The following ZBTB8A variants were observed in gnomAD, a reference collection of about 807,000 sequenced individuals.
ZBTB8A encodes zinc finger and BTB domain containing 8A.
ZBTB8A carries 19 observed loss-of-function variants against 37.8 expected under a neutral mutation model. The ratio of observed to expected loss-of-function variants is 0.50; its 90% confidence interval spans 0.35 to 0.74. The LOEUF is 0.74. ZBTB8A is among the 30% of genes least tolerant of loss of function. The pLI, the probability that ZBTB8A is intolerant of heterozygous loss-of-function variation, is 0.01. For synonymous variants in ZBTB8A, 181 were observed against 185.2 expected (o/e 0.98, Z 0.19); for missense variants, 394 against 537.8 (o/e 0.73, Z 2.65).
At chr1:32,545,049 C>G (rs551156572) in intron 1 of ZBTB8A, among the ~76,000 whole-genome samples, 26 of 152,258 alleles carry the variant, frequency 1.7e-4, no homozygotes, top group African/African-American at 6.3e-4. Flanking sequence ...TATGATAACT[C>G]CATGTTTAAT....
Position 32,593,770 on chromosome 1 carries a change from A to G in ZBTB8A, c.823+16A>G. Reference sequence around the variant, plus strand: ...AGCTTTCCAGGTACCCAAAAAGAGCATAAGTCCCCTCATCCAGGTTCCAAA... The same window carrying G: ...AGCTTTCCAGGTACCCAAAAAGAGCGTAAGTCCCCTCATCCAGGTTCCAAA... On this transcript the variant is annotated intron_variant, in intron 3 of 4. Coordinates refer to ENST00000373510, the MANE Select transcript of ZBTB8A (RefSeq NM_001040441.3). 14 of 1,588,432 alleles carry G rather than the reference A, an allele frequency of 8.8e-6. No individual in the cohort carries two copies. Among genetic ancestry groups the G allele is most frequent in the Admixed American group, 1.8e-5 (1 of 56,540 alleles).
chr1:32,554,222 T>C (rs1050338413), intron 2 of ZBTB8A, among the ~76,000 whole-genome samples: 1 of 144,324 alleles, frequency 6.9e-6, no homozygotes, highest in Non-Finnish European at 1.5e-5. Context: ...AAAAAAAGGG[T>C]AAAATTTTGT....
chr1:32,557,273 G>T (rs1202348691), intron 2 of ZBTB8A, among the ~76,000 whole-genome samples: 1 of 152,172 alleles, frequency 6.6e-6, no homozygotes, highest in Non-Finnish European at 1.5e-5. Context: ...TTGCACTCCA[G>T]CCTGGGCAAC....
intron 2 of ZBTB8A, among the ~76,000 whole-genome samples, chr1:32,581,792 A>T (rs548411701): frequency 6.6e-6 from 1 of 152,128 alleles, no homozygotes; most frequent in Non-Finnish European, 1.5e-5. Flanking sequence ...GAAACTTACA[A>T]TCATGGCAGA....
At chr1:32,565,474 CA>C (rs58610550) in intron 2 of ZBTB8A, among the ~76,000 whole-genome samples, 2,923 of 152,148 alleles carry the variant, frequency 0.019, 31 homozygotes, top group Middle Eastern at 0.031. Flanking sequence ...AGCAACATAG[CA>C]AGACCGTGTC....
At chr1:32,591,062 CTTTTTTT>C (rs568744807) in intron 2 of ZBTB8A, among the ~76,000 whole-genome samples, 1 of 123,902 alleles carries the variant, frequency 8.1e-6, no homozygotes. Context: ...CCCAGCTAAA[CTTTTTTT>C]TTTTTTTTTT....
chr1:32,587,647 G>C (rs1644459439), intron 2 of ZBTB8A, among the ~76,000 whole-genome samples: 1 of 151,950 alleles, frequency 6.6e-6, no homozygotes, highest in African/African-American at 2.4e-5. Context: ...TTTTAAAAAA[G>C]ATGCTATGAT....
At chr1:32,569,018 A>C (rs939169717) in intron 2 of ZBTB8A, among the ~76,000 whole-genome samples, 1 of 152,180 alleles carries the variant, frequency 6.6e-6, no homozygotes, top group Non-Finnish European at 1.5e-5. Context: ...AGTAGGTATA[A>C]CTTTATTAGA....
intron 1 of ZBTB8A, among the ~76,000 whole-genome samples, chr1:32,552,283 A>G (rs188442825): frequency 1.5e-4 from 23 of 152,222 alleles, no homozygotes; most frequent in Admixed American, 1.2e-3. Context: ...AGAATCACTT[A>G]AGCCTGGGAG....
At position 32,593,305 on chromosome 1, in the gene ZBTB8A, G is replaced by A. The variant is rs766037712; in HGVS notation, c.374G>A (p.Ser125Asn). ...TTTATTAAATCTTCCTTAGACATTA[G>A]TGAGAAAGAAAAAGATCGCTATTTC... ...KTFIKSSLDI[S>N]EKEKDRYFSL... Residue 125 changes from serine (S) to asparagine (N), a missense_variant, in exon 3 of 5, where the codon AGT becomes AAT. Around this residue, in one of 4 missense-constraint regions of ZBTB8A, gnomAD observed 96 missense variants for 165.6 expected, o/e 0.58. Transcript: ENST00000373510. The A allele has an allele frequency of 1.2e-5, 19 of 1,613,992 alleles. No homozygotes were observed. The South Asian group carries it at 1.2e-4, about 10-fold the overall frequency.
At chr1:32,595,606 A>G (rs1352132397) in intron 4 of ZBTB8A, among the ~76,000 whole-genome samples, 6 of 138,928 alleles carry the variant, frequency 4.3e-5, no homozygotes, top group Admixed American at 2.2e-4. Flanking sequence ...GTCTCTCTCT[A>G]TCGCCCAAGC....
At chr1:32,574,562 A>C (rs1333238496) in intron 2 of ZBTB8A, among the ~76,000 whole-genome samples, 1 of 152,168 alleles carries the variant, frequency 6.6e-6, no homozygotes, top group Non-Finnish European at 1.5e-5. Context: ...GCAGCCCTGC[A>C]CTCCAGACTG....
intron 2 of ZBTB8A, 126 bp from the exon 3 acceptor site, chr1:32,592,805 G>T: frequency 1.3e-6 from 1 of 771,780 alleles, no homozygotes; most frequent in African/African-American, 1.8e-5. Context: ...ACTGTGCCCA[G>T]CCACAGTGAG....
intron 2 of ZBTB8A, among the ~76,000 whole-genome samples, chr1:32,586,642 A>G (rs950706662): frequency 6.6e-6 from 1 of 151,440 alleles, no homozygotes; most frequent in Non-Finnish European, 1.5e-5. Context: ...TGTTCCAAGT[A>G]GAGAGACTGG....
Position 32,593,686 on chromosome 1 carries a change from A to C in ZBTB8A, c.755A>C (p.Glu252Ala), listed in dbSNP as rs1428104379. The C allele has an allele frequency of 6.2e-7, 1 of 1,614,192 alleles. No individual in the cohort carries two copies. Among genetic ancestry groups the C allele is most frequent in the Admixed American group, 1.7e-5 (1 of 60,016 alleles). The change falls in exon 3 of 5, where the codon GAA becomes GCA. Residue 252 changes from glutamate (E) to alanine (A), a missense_variant. This residue lies in a region of ZBTB8A where 171 missense variants were observed against 186.8 expected (regional missense o/e 0.92). Coordinates refer to ENST00000373510, the MANE Select transcript of ZBTB8A (RefSeq NM_001040441.3). The part of the protein sequence containing the change: ...QSEEQAQIDA[E>A]MDSTPVGYQY... The stretch of plus-strand genomic sequence containing the variant: ...GAAGAACAAGCACAGATTGATGCTG[A>C]AATGGACTCTACTCCTGTTGGCTAT...
At chr1:32,539,669 G>C (rs1254016910) in intron 1 of ZBTB8A, 97 bp downstream of exon 1, 1 of 146,618 alleles carries the variant, frequency 6.8e-6, no homozygotes, top group Non-Finnish European at 1.5e-5. Flanking sequence ...CGGCCCGGGC[G>C]GCGGCAGTGC....
chr1:32,554,326 C>T (rs893160686), intron 2 of ZBTB8A, among the ~76,000 whole-genome samples: 2 of 150,556 alleles, frequency 1.3e-5, no homozygotes, highest in Admixed American at 6.7e-5. Context: ...TCTCCCTGTT[C>T]ACTGATTGCT....
At chr1:32,541,901 C>T (rs1483468338) in intron 1 of ZBTB8A, among the ~76,000 whole-genome samples, 2 of 152,136 alleles carry the variant, frequency 1.3e-5, no homozygotes, top group Admixed American at 1.3e-4. Context: ...ATGTTCAAAC[C>T]ATAGCTCTTA....
chr1:32,548,886 T>C (rs780685360), intron 1 of ZBTB8A, among the ~76,000 whole-genome samples: 3 of 152,130 alleles, frequency 2.0e-5, no homozygotes, highest in Non-Finnish European at 2.9e-5. Flanking sequence ...CATGCTCTCA[T>C]TGATAAAAAG....
Sources: allele counts gnomAD v4.1 joint callset (sites outside exome capture counted in the v4.1 genomes callset), GRCh38; gene constraint gnomAD v4.1.1; regional missense constraint gnomAD v4.1.1; transcripts MANE v1.5; gene names NCBI Gene and HGNC (gene_info 2026-07-23, HGNC 2026-07-21).